FGF14: variants seen among roughly 807,000 people sequenced by gnomAD.
FGF14 encodes the protein fibroblast growth factor 14, also known as fibroblast growth factor homologous factor 4.
FGF14 carries 5 observed loss-of-function variants against 25.5 expected under a neutral mutation model. The ratio of observed to expected loss-of-function variants is 0.20; its 90% CI spans 0.10 to 0.41. The LOEUF is 0.41. Ranked by LOEUF, FGF14 falls within the 10% of genes least tolerant of loss-of-function variation. FGF14 has a pLI of 1.00. For missense variants in FGF14, 222 were observed against 320.1 expected (o/e 0.69, Z 2.34); for synonymous variants, 138 against 118.3 (o/e 1.17, Z -1.08).
intron 1 of FGF14, among the ~76,000 whole-genome samples, chr13:102,235,727 C>G (rs2051298647): frequency 6.6e-6 from 1 of 152,162 alleles, no homozygotes; most frequent in Non-Finnish European, 1.5e-5. Flanking sequence ...AGATCCCTGA[C>G]TTTAAAACTT....
intron 1 of FGF14, among the ~76,000 whole-genome samples, chr13:101,887,766 A>G (rs1270102775): frequency 6.6e-6 from 1 of 152,182 alleles, no homozygotes; most frequent in African/African-American, 2.4e-5. Flanking sequence ...GAAATGATAA[A>G]TGTTTGAGGC....
chr13:102,032,782 C>T (rs996796697), intron 1 of FGF14, among the ~76,000 whole-genome samples: 22 of 152,206 alleles, frequency 1.4e-4, no homozygotes, highest in Admixed American at 1.3e-3. Context: ...TGGCACCATA[C>T]GGAGGCCGTC....
chr13:102,170,849 G>T (rs991072308), intron 1 of FGF14, among the ~76,000 whole-genome samples: 2 of 152,064 alleles, frequency 1.3e-5, no homozygotes, highest in African/African-American at 4.8e-5. Context: ...ATATTTTTCA[G>T]TTCTAACTTC....
chr13:101,860,198 C>T (rs562836194), intron 3 of FGF14, among the ~76,000 whole-genome samples: 23 of 152,164 alleles, frequency 1.5e-4, no homozygotes, highest in African/African-American at 5.3e-4. Context: ...TTCTTTCTAT[C>T]ATTTCTTATT....
rs112037312 is a variant in FGF14 at position 102,309,627 on chromosome 13, T to C, written c.208+91844A>G. Among the ~76,000 whole-genome samples the C allele has an allele frequency of 5.6e-3, 854 of 152,264 alleles. 3 individuals carry two copies. The highest frequency in any genetic ancestry group is 9.1e-3 in the Non-Finnish European group (618 of 68,004). Reference sequence around the variant, plus strand: ...TGAAAAAGTCAATTCAATAATCAAATGCAAAAATCGGATGAGCACTGAAAT... The same window carrying C: ...TGAAAAAGTCAATTCAATAATCAAACGCAAAAATCGGATGAGCACTGAAAT... On this transcript the variant is annotated intron_variant, in intron 1 of 4. Coordinates refer to the FGF14 transcript ENST00000376131.
chr13:102,358,105 T>C (rs920412624), intron 1 of FGF14, among the ~76,000 whole-genome samples: 1 of 152,230 alleles, frequency 6.6e-6, no homozygotes, highest in African/African-American at 2.4e-5. Flanking sequence ...TCTTGAACTT[T>C]ATATTAAAAT....
chr13:101,917,863 C>G (rs1398855464), upstream of FGF14, among the ~76,000 whole-genome samples: 1 of 152,090 alleles, frequency 6.6e-6, no homozygotes, highest in Non-Finnish European at 1.5e-5. Context: ...GCCGCAGTAG[C>G]TGCTACAGAA....
chr13:102,049,299 C>A (rs1182265151), intron 1 of FGF14, among the ~76,000 whole-genome samples: 1 of 152,132 alleles, frequency 6.6e-6, no homozygotes, highest in Non-Finnish European at 1.5e-5. Context: ...TAAATGTGCT[C>A]TTTCTAGACA....
intron 1 of FGF14, among the ~76,000 whole-genome samples, chr13:102,042,048 A>C (rs2041769981): frequency 6.6e-6 from 1 of 152,178 alleles, no homozygotes; most frequent in South Asian, 2.1e-4. Context: ...ATACTCAAAG[A>C]AGAGCAAACT....
intron 1 of FGF14, among the ~76,000 whole-genome samples, chr13:102,143,031 C>T (rs2046708875): frequency 6.6e-6 from 1 of 152,168 alleles, no homozygotes; most frequent in African/African-American, 2.4e-5. Flanking sequence ...TCATTTTCCT[C>T]CTGATGCCAA....
chr13:101,998,062 C>A (rs914060825), intron 1 of FGF14, among the ~76,000 whole-genome samples: 1 of 151,992 alleles, frequency 6.6e-6, no homozygotes, highest in Non-Finnish European at 1.5e-5. Flanking sequence ...TAATCTTTTA[C>A]GATACTTGGA....
intron 1 of FGF14, among the ~76,000 whole-genome samples, chr13:102,009,531 A>T (rs2039974599): frequency 6.6e-6 from 1 of 152,188 alleles, no homozygotes; most frequent in African/African-American, 2.4e-5. Context: ...TAAAAAGTTT[A>T]GTCAAAATAT....
intron 3 of FGF14, among the ~76,000 whole-genome samples, chr13:101,834,183 AT>A (rs1317951739): frequency 6.6e-6 from 1 of 152,102 alleles, no homozygotes; most frequent in Non-Finnish European, 1.5e-5. Flanking sequence ...TCTTTATTTG[AT>A]GCATTCTCTC....
chr13:102,221,182 A>G (rs979025257), intron 1 of FGF14, among the ~76,000 whole-genome samples: 6 of 152,178 alleles, frequency 3.9e-5, no homozygotes, highest in African/African-American at 1.2e-4. Context: ...TTACAAACAT[A>G]TCTATGTGAT....
chr13:102,312,934 T>C (rs1379738299), intron 1 of FGF14, among the ~76,000 whole-genome samples: 1 of 152,190 alleles, frequency 6.6e-6, no homozygotes, highest in Non-Finnish European at 1.5e-5. Context: ...ACTCAGGGGC[T>C]GTGTGAAAAG....
chr13:102,247,460 A>G (rs1050026638), intron 1 of FGF14, among the ~76,000 whole-genome samples: 10 of 152,154 alleles, frequency 6.6e-5, no homozygotes, highest in Non-Finnish European at 1.5e-4. Context: ...AAGAAGACAT[A>G]CATGAGGCCA....
At chr13:101,752,246 GTACT>G (rs2037332594) in intron 3 of FGF14, among the ~76,000 whole-genome samples, 1 of 152,078 alleles carries the variant, frequency 6.6e-6, no homozygotes, top group Admixed American at 6.6e-5. Flanking sequence ...GAAATATGAA[GTACT>G]TGTTTTTGCT....
intron 3 of FGF14, among the ~76,000 whole-genome samples, chr13:101,837,560 G>A (rs1409364469): frequency 1.3e-5 from 2 of 152,056 alleles, no homozygotes; most frequent in African/African-American, 4.8e-5. Context: ...TAACAACAAT[G>A]ATGTTTTAAA....
chr13:102,038,578 T>C (rs999935908), intron 1 of FGF14, among the ~76,000 whole-genome samples: 28 of 152,150 alleles, frequency 1.8e-4, no homozygotes, highest in Admixed American at 2.0e-4. Context: ...AAGCAGGGAG[T>C]TGGGATGTTC....
Sources: gnomAD v4.1 joint callset for allele counts (sites outside exome capture counted in the v4.1 genomes callset) on GRCh38, gnomAD v4.1.1 for gene constraint, MANE v1.5 for transcripts, NCBI Gene and HGNC (gene_info 2026-07-23, HGNC 2026-07-21) for gene names.